The following SLC25A48 variants were observed in gnomAD, a reference collection of about 807,000 sequenced individuals.
SLC25A48 encodes the protein solute carrier family 25 member 48.
SLC25A48 carries 29 observed loss-of-function variants against 32.2 expected under a neutral mutation model. The ratio of observed to expected loss-of-function variants is 0.90; its 90% CI spans 0.67 to 1.23. SLC25A48 has a LOEUF of 1.23. Ranked by LOEUF, SLC25A48 falls within the 50% of genes most tolerant of loss-of-function variation. The pLI is 0.00. For synonymous variants in SLC25A48, 164 were observed against 172.3 expected, an observed-to-expected ratio of 0.95 and a Z score of 0.38; for missense variants, 399 against 422.7, an observed-to-expected ratio of 0.94 and a Z score of 0.49.
At chr5:135,715,579 C>T (rs1482854682) in intron 3 of SLC25A48, among the ~76,000 whole-genome samples, 2 of 152,176 alleles carry the variant, frequency 1.3e-5, no homozygotes, top group Admixed American at 1.3e-4. Context: ...TGTGACCGGT[C>T]AGAGGTGACT....
intron 4 of SLC25A48, chr5:135,825,990 A>T (rs1007683017): frequency 6.6e-6 from 1 of 152,360 alleles, no homozygotes; most frequent in African/African-American, 2.4e-5. Flanking sequence ...CTGTCGAGGG[A>T]TGAAGGTGAT....
intron 3 of SLC25A48, among the ~76,000 whole-genome samples, chr5:135,776,718 T>C (rs950055414): frequency 6.6e-6 from 1 of 150,914 alleles, no homozygotes; most frequent in Non-Finnish European, 1.5e-5. Flanking sequence ...GTGATATTGT[T>C]CCTAAAACCC....
At chr5:135,632,332 C>T (rs1752595184) in intron 2 of SLC25A48, among the ~76,000 whole-genome samples, 1 of 152,132 alleles carries the variant, frequency 6.6e-6, no homozygotes, top group African/African-American at 2.4e-5. Flanking sequence ...AACCTGGAGG[C>T]ACAGCGACCT....
At chr5:135,692,667 A>T (rs1580789686) in intron 3 of SLC25A48, among the ~76,000 whole-genome samples, 1 of 152,222 alleles carries the variant, frequency 6.6e-6, no homozygotes, top group East Asian at 1.9e-4. Flanking sequence ...AGCTTAGAGG[A>T]GCTGTCTTCT....
intron 3 of SLC25A48, among the ~76,000 whole-genome samples, chr5:135,707,761 AGTATTTGTTCAT>A (rs2126971588): frequency 1.3e-5 from 2 of 152,246 alleles, no homozygotes; most frequent in South Asian, 4.2e-4. Flanking sequence ...AATGACTTCA[AGTATTTGTTCAT>A]GTGTTCTTTT....
At chr5:135,639,032 A>G (rs1752772064) in intron 3 of SLC25A48, among the ~76,000 whole-genome samples, 2 of 152,242 alleles carry the variant, frequency 1.3e-5, no homozygotes, top group African/African-American at 4.8e-5. Flanking sequence ...ATTTTCAAAG[A>G]ACTTAAGTAG....
chr5:135,818,121 C>CTCTGTT (rs1473112770), intron 4 of SLC25A48, among the ~76,000 whole-genome samples: 2 of 129,538 alleles, frequency 1.5e-5, no homozygotes, highest in African/African-American at 2.9e-5. Context: ...CTCTCTCTCC[C>CTCTGTT]TCTGTTTCTG....
At chr5:135,725,254 G>T (rs1755062888) in intron 3 of SLC25A48, among the ~76,000 whole-genome samples, 1 of 152,166 alleles carries the variant, frequency 6.6e-6, no homozygotes, top group East Asian at 1.9e-4. Flanking sequence ...ATCTTAGCAC[G>T]GATCATAAGC....
At chr5:135,645,253 G>C (rs1752932486) in intron 3 of SLC25A48, among the ~76,000 whole-genome samples, 1 of 152,140 alleles carries the variant, frequency 6.6e-6, no homozygotes, top group Non-Finnish European at 1.5e-5. Context: ...TTCTGTGAGG[G>C]CCCTTTGATA....
intron 7 of SLC25A48, chr5:135,883,291 T>G (rs1762602542): frequency 1.0e-6 from 1 of 985,368 alleles, no homozygotes; most frequent in African/African-American, 1.7e-5. Flanking sequence ...TCACCAACTA[T>G]TCCAGCTTTG....
chr5:135,778,401 T>C (rs1756624064), intron 3 of SLC25A48, among the ~76,000 whole-genome samples: 1 of 151,468 alleles, frequency 6.6e-6, no homozygotes, highest in Non-Finnish European at 1.5e-5. Context: ...TATTCTGAAA[T>C]GAGAAGATGA....
At chr5:135,820,442 T>C (rs1460904295) in intron 4 of SLC25A48, among the ~76,000 whole-genome samples, 2 of 152,224 alleles carry the variant, frequency 1.3e-5, no homozygotes, top group Non-Finnish European at 2.9e-5. Flanking sequence ...TTCTATATAT[T>C]AATTCAGAGG....
At chr5:135,666,505 G>A (rs180988910) in intron 3 of SLC25A48, among the ~76,000 whole-genome samples, 5 of 152,082 alleles carry the variant, frequency 3.3e-5, no homozygotes, top group Admixed American at 3.3e-4. Flanking sequence ...TCTGCTCCTC[G>A]ATGTTTACCT....
chr5:135,640,081 CA>C (rs1752796962), intron 3 of SLC25A48, among the ~76,000 whole-genome samples: 1 of 152,134 alleles, frequency 6.6e-6, no homozygotes, highest in South Asian at 2.1e-4. Context: ...ACTGTAAAAA[CA>C]AACCAAATGG....
chr5:135,588,181 A>G (rs1484841447), intron 1 of SLC25A48, among the ~76,000 whole-genome samples: 1 of 152,254 alleles, frequency 6.6e-6, no homozygotes, highest in African/African-American at 2.4e-5. Flanking sequence ...GAAGTATTGT[A>G]CAAGTTTTTC....
chr5:135,686,899 A>G (rs1243337146), intron 3 of SLC25A48, among the ~76,000 whole-genome samples: 1 of 151,904 alleles, frequency 6.6e-6, no homozygotes, highest in Non-Finnish European at 1.5e-5. Context: ...AGCTTCATTT[A>G]TTTCTGAAGG....
At chr5:135,633,056 A>G (rs1163902582) in intron 2 of SLC25A48, among the ~76,000 whole-genome samples, 2 of 152,198 alleles carry the variant, frequency 1.3e-5, no homozygotes, top group Non-Finnish European at 2.9e-5. Context: ...TGCAGCCCTA[A>G]GACGGGCAGT....
At chr5:135,723,542 T>TAAA (rs368363297) in intron 3 of SLC25A48, among the ~76,000 whole-genome samples, 4 of 134,468 alleles carry the variant, frequency 3.0e-5, no homozygotes, top group South Asian at 4.8e-4. Flanking sequence ...TTTTTTTCAC[T>TAAA]AAAAAAAAAA....
At chr5:135,772,982 A>G (rs922543138) in intron 3 of SLC25A48, among the ~76,000 whole-genome samples, 2 of 150,136 alleles carry the variant, frequency 1.3e-5, no homozygotes. Context: ...GATATTGTTC[A>G]TAGTATCAAG....
Sources: gnomAD v4.1 joint callset for allele counts (sites outside exome capture counted in the v4.1 genomes callset) on GRCh38, gnomAD v4.1.1 for gene constraint, MANE v1.5 for transcripts, NCBI Gene and HGNC (gene_info 2026-07-23, HGNC 2026-07-21) for gene names.